Variants in AGBL4 observed in about 807,000 individuals in gnomAD.
The protein encoded by AGBL4 is cytosolic carboxypeptidase 6.
A neutral mutation model predicts 66.4 loss-of-function variants in AGBL4; 58 were observed. The observed-to-expected ratio is 0.87, with a 90% CI of 0.71 to 1.09. The LOEUF is 1.09. Ranked by LOEUF, AGBL4 falls within the 50% of genes least tolerant of loss-of-function variation. The pLI, the probability that AGBL4 is intolerant of heterozygous loss-of-function variation, is 0.00. For synonymous variants in AGBL4, 234 were observed against 222.9 expected (o/e 1.05, Z -0.44); for missense variants, 579 against 631.0 (o/e 0.92, Z 0.88).
chr1:49,033,758 T>G (rs1664416261), intron 5 of AGBL4, among the ~76,000 whole-genome samples: 1 of 152,096 alleles, frequency 6.6e-6, no homozygotes, highest in Non-Finnish European at 1.5e-5. Flanking sequence ...TGGCTTTCTG[T>G]GATTATATCA....
chr1:48,608,582 G>C (rs1645187866), intron 9 of AGBL4, among the ~76,000 whole-genome samples: 1 of 152,108 alleles, frequency 6.6e-6, no homozygotes, highest in South Asian at 2.1e-4. Context: ...TAGATGGATG[G>C]ATGGACGGAT....
At chr1:48,724,142 G>A (rs1445568262) in intron 6 of AGBL4, among the ~76,000 whole-genome samples, 1 of 152,164 alleles carries the variant, frequency 6.6e-6, no homozygotes, top group Non-Finnish European at 1.5e-5. Context: ...GAGAAGAGAG[G>A]AGAGGAAGCC....
At chr1:48,674,149 A>G (rs1646324983) in intron 6 of AGBL4, among the ~76,000 whole-genome samples, 1 of 152,210 alleles carries the variant, frequency 6.6e-6, no homozygotes, top group Admixed American at 6.5e-5. Flanking sequence ...CTCTGTCCAG[A>G]GGACGCTCCT....
At chr1:49,841,883 AGGGCATGACCCCT>A (rs1444490365) in intron 2 of AGBL4, 1 of 613,156 alleles carries the variant, frequency 1.6e-6, no homozygotes, top group Non-Finnish European at 3.0e-6. Context: ...GCCAGAAGCC[AGGGCATGACCCCT>A]GGGCTGCCTG....
chr1:49,663,160 A>T (rs897038468), intron 3 of AGBL4, among the ~76,000 whole-genome samples: 5 of 152,202 alleles, frequency 3.3e-5, no homozygotes, highest in African/African-American at 1.2e-4. Context: ...AGACAAATTT[A>T]GAAAATGTTT....
chr1:49,464,213 G>A (rs758129658), intron 3 of AGBL4, among the ~76,000 whole-genome samples: 9 of 151,758 alleles, frequency 5.9e-5, no homozygotes, highest in East Asian at 3.9e-4. Context: ...GAGCTGACAC[G>A]TGGGCTGAAT....
intron 5 of AGBL4, among the ~76,000 whole-genome samples, chr1:48,975,122 A>G (rs1659211379): frequency 6.6e-6 from 1 of 152,162 alleles, no homozygotes; most frequent in Non-Finnish European, 1.5e-5. Context: ...TATCATTTCA[A>G]TGAAATTTAA....
chr1:49,125,180 G>T (rs987241841), intron 4 of AGBL4, among the ~76,000 whole-genome samples: 1 of 152,042 alleles, frequency 6.6e-6, no homozygotes, highest in African/African-American at 2.4e-5. Flanking sequence ...ATATTTTGGT[G>T]CATTTTCTGG....
At chr1:49,929,528 G>C (rs1322277545) in intron 1 of AGBL4, among the ~76,000 whole-genome samples, 2 of 151,994 alleles carry the variant, frequency 1.3e-5, no homozygotes, top group South Asian at 4.2e-4. Context: ...AAATTTTGTG[G>C]AATTTAAAGT....
intron 3 of AGBL4, among the ~76,000 whole-genome samples, chr1:49,307,426 G>A (rs184968927): frequency 2.0e-5 from 3 of 152,302 alleles, no homozygotes; most frequent in Admixed American, 1.3e-4. Context: ...CCATTCAGAG[G>A]TTGTTTAGCC....
chr1:48,881,746 A>T (rs1215888560), intron 5 of AGBL4, among the ~76,000 whole-genome samples: 1 of 152,162 alleles, frequency 6.6e-6, no homozygotes, highest in African/African-American at 2.4e-5. Context: ...CTCATCAAAG[A>T]CACTGATTGG....
intron 5 of AGBL4, among the ~76,000 whole-genome samples, chr1:48,950,308 C>G (rs1050580415): frequency 6.6e-6 from 1 of 152,136 alleles, no homozygotes; most frequent in Non-Finnish European, 1.5e-5. Context: ...CCATGTTGAC[C>G]AGGCTGGTCT....
intron 8 of AGBL4, 141 bp downstream of exon 8, chr1:48,653,196 A>G (rs1645960244): frequency 4.7e-6 from 3 of 635,864 alleles, no homozygotes; most frequent in South Asian, 4.8e-5. Flanking sequence ...GAAATTCTCA[A>G]GAGCCAGGGT....
chr1:49,229,766 G>A (rs1650167385), intron 4 of AGBL4, among the ~76,000 whole-genome samples: 2 of 152,172 alleles, frequency 1.3e-5, no homozygotes, highest in South Asian at 4.1e-4. Flanking sequence ...ACTTGGCACT[G>A]GCTGGGGCTG....
At chr1:48,946,885 T>C (rs908769004) in intron 5 of AGBL4, among the ~76,000 whole-genome samples, 1 of 152,144 alleles carries the variant, frequency 6.6e-6, no homozygotes, top group African/African-American at 2.4e-5. Context: ...AAATGTCCCA[T>C]GTAAGCAAGA....
intron 9 of AGBL4, among the ~76,000 whole-genome samples, chr1:48,596,581 G>C (rs575381464): frequency 1.3e-5 from 2 of 152,092 alleles, no homozygotes; most frequent in African/African-American, 2.4e-5. Context: ...ATAATGCAAA[G>C]GTTCTTTATC....
rs534936510 is a variant in AGBL4, at chr1:49,534,847, A to G, written c.282+162466T>C. 7.2e-5 allele frequency among the ~76,000 whole-genome samples: 11 copies of G among 152,390 alleles called. No individual in the cohort carries two copies. The East Asian group carries it at 2.1e-3, about 29-fold the overall frequency. ...CAGATCACACCGTGAAGTTCACGGT[A>G]CTGCTGATGGATAAAAGTTGCTCAT... On this transcript the variant is annotated intron_variant, in intron 3 of 13. Coordinates refer to ENST00000371839, the MANE Select transcript of AGBL4 (RefSeq NM_032785.4).
intron 3 of AGBL4, among the ~76,000 whole-genome samples, chr1:49,481,584 G>C (rs1646956485): frequency 6.6e-6 from 1 of 152,100 alleles, no homozygotes; most frequent in Non-Finnish European, 1.5e-5. Context: ...AAAATAGTTT[G>C]ACTTCTTCTT....
chr1:49,992,359 G>A lies in AGBL4; in HGVS notation c.34+31404C>T, dbSNP rs567455393. Reference sequence around the variant, plus strand: ...TGCACTCCAGCCTGGGCGACAGAGTGAGACTCCGTCTCAAAAAAAAAAAAA... The same window carrying A: ...TGCACTCCAGCCTGGGCGACAGAGTAAGACTCCGTCTCAAAAAAAAAAAAA... On this transcript the variant is annotated intron_variant, in intron 1 of 13. Transcript: ENST00000371839. 6.8e-5 allele frequency among the ~76,000 whole-genome samples: 10 copies of A among 147,264 alleles called. No homozygotes were observed. In the South Asian group the frequency reaches 2.2e-3, roughly 32 times the overall value.
Sources: allele counts gnomAD v4.1 joint callset (sites outside exome capture counted in the v4.1 genomes callset), GRCh38; gene constraint gnomAD v4.1.1; transcripts MANE v1.5; gene names NCBI Gene and HGNC (gene_info 2026-07-23, HGNC 2026-07-21).